Variants in TPD52 observed in about 807,000 individuals in gnomAD.
TPD52 encodes the protein tumor protein D52.
TPD52 carries 17 observed loss-of-function variants against 31.3 expected under a neutral mutation model. The observed-to-expected ratio is 0.54, with a 90% CI of 0.37 to 0.82. The LOEUF (loss-of-function observed/expected upper bound fraction) is 0.82, where lower values mean the gene tolerates loss of function less well. TPD52 is among the 40% of genes least tolerant of loss of function. The pLI, the probability that TPD52 is intolerant of heterozygous loss-of-function variation, is 0.00. For synonymous variants in TPD52, 83 were observed against 89.6 expected (o/e 0.93, Z 0.42); for missense variants, 212 against 240.1 (o/e 0.88, Z 0.77).
At chr8:80,141,033 C>A (rs1344832377) in intron 1 of TPD52, among the ~76,000 whole-genome samples, 1 of 151,600 alleles carries the variant, frequency 6.6e-6, no homozygotes, top group Non-Finnish European at 1.5e-5. Context: ...AACCACACCA[C>A]CCAGTGTTAG....
intron 1 of TPD52, among the ~76,000 whole-genome samples, chr8:80,070,722 A>G (rs1218816070): frequency 6.6e-6 from 1 of 152,230 alleles, no homozygotes; most frequent in Non-Finnish European, 1.5e-5. Flanking sequence ...TCATTATATA[A>G]AGATGAGAAA....
chr8:80,071,456 C>T (rs1813772604), intron 1 of TPD52, among the ~76,000 whole-genome samples: 1 of 152,116 alleles, frequency 6.6e-6, no homozygotes, highest in Admixed American at 6.5e-5. Context: ...GTCTCACTTC[C>T]TCACTGCCCA....
At chr8:80,040,507 T>C (rs139671470) in intron 7 of TPD52, among the ~76,000 whole-genome samples, 1 of 152,326 alleles carries the variant, frequency 6.6e-6, no homozygotes, top group Non-Finnish European at 1.5e-5. Context: ...TGTATGTTTT[T>C]AAATTACACT....
intron 5 of TPD52, among the ~76,000 whole-genome samples, chr8:80,049,864 T>C (rs1811191627): frequency 6.6e-6 from 1 of 152,000 alleles, no homozygotes. Flanking sequence ...ATAACAAGTG[T>C]AAAGAAAGAA....
chr8:80,129,503 A>G (rs775796432), intron 1 of TPD52, among the ~76,000 whole-genome samples: 1 of 152,096 alleles, frequency 6.6e-6, no homozygotes, highest in Non-Finnish European at 1.5e-5. Context: ...TCAGCACTGG[A>G]ATTTGTCAGC....
intron 1 of TPD52, among the ~76,000 whole-genome samples, chr8:80,134,402 A>G (rs1300864464): frequency 6.6e-6 from 1 of 152,258 alleles, no homozygotes; most frequent in Non-Finnish European, 1.5e-5. Flanking sequence ...CTTAATGCTC[A>G]TCATCTCATT....
intron 1 of TPD52, among the ~76,000 whole-genome samples, chr8:80,067,567 C>G (rs950803657): frequency 2.0e-5 from 3 of 152,102 alleles, no homozygotes; most frequent in African/African-American, 7.2e-5. Flanking sequence ...CCTGTCACCA[C>G]TTACAGATCA....
chr8:80,100,438 T>C (rs368730679), intron 1 of TPD52, among the ~76,000 whole-genome samples: 29 of 152,212 alleles, frequency 1.9e-4, no homozygotes, highest in African/African-American at 6.0e-4. Flanking sequence ...AGCATTTCTC[T>C]CTAAAAACCA....
At chr8:80,157,289 T>C (rs991155361) in intron 1 of TPD52, among the ~76,000 whole-genome samples, 1 of 144,224 alleles carries the variant, frequency 6.9e-6, no homozygotes, top group East Asian at 2.1e-4. Flanking sequence ...AAAAAGGAAA[T>C]AAGTTTGGGA....
At position 80,136,179 on chromosome 8, in the gene TPD52, T is replaced by TAAAAAAAAAAAAAAAA. The variant is rs796723826; in HGVS notation, c.19+35245_19+35246insTTTTTTTTTTTTTTTT. 3.7e-4 allele frequency among the ~76,000 whole-genome samples: 45 copies of TAAAAAAAAAAAAAAAA among 121,510 alleles called. 3 individuals carry two copies. The highest frequency in any genetic ancestry group is 4.7e-4 in the African/African-American group (16 of 33,844). The allele number at this position is 121,510 out of a possible 152,430, so 79.7% of individuals were successfully genotyped here. Reference sequence around the variant, plus strand: ...AAAAAAAAAATTTCAGTCTTTGAGGTTAAAAAAAAAACAAGCACACTCACA... The same window carrying TAAAAAAAAAAAAAAAA: ...AAAAAAAAAATTTCAGTCTTTGAGGTAAAAAAAAAAAAAAAATAAAAAAAAAACAAGCACACTCACA... On this transcript the variant is annotated intron_variant, in intron 1 of 7. Transcript: ENST00000518937.
intron 1 of TPD52, among the ~76,000 whole-genome samples, chr8:80,139,436 T>C (rs1163247446): frequency 6.6e-6 from 1 of 152,160 alleles, no homozygotes; most frequent in Non-Finnish European, 1.5e-5. Context: ...TTTTCAGAGT[T>C]TCAGACTTGC....
chr8:80,150,134 T>A (rs1810469747), intron 1 of TPD52, among the ~76,000 whole-genome samples: 1 of 152,302 alleles, frequency 6.6e-6, no homozygotes, highest in East Asian at 1.9e-4. Flanking sequence ...TCCCAGCTTC[T>A]CCAGTCATGG....
chr8:80,060,643 A>C (rs1429794855), intron 2 of TPD52, among the ~76,000 whole-genome samples: 3 of 152,200 alleles, frequency 2.0e-5, no homozygotes, highest in African/African-American at 7.2e-5. Context: ...ATATCCTAGG[A>C]ATGCAAGGAT....
chr8:80,051,561 C>T lies in TPD52; in HGVS notation c.352G>A (p.Gly118Ser). 6.2e-7 allele frequency: 1 copy of T among 1,613,346 alleles called. No homozygotes were observed. ...QKASAAFSSVGSVITKKLEDV... is the reference protein window; with the variant it reads ...QKASAAFSSVSSVITKKLEDV... Reference sequence around the variant, plus strand: ...TCCAGCTTTTTGGTGATGACTGAGCCAACAGACGAAAAAGCAGCTGAGGCC... The same window carrying T: ...TCCAGCTTTTTGGTGATGACTGAGCTAACAGACGAAAAAGCAGCTGAGGCC... The change falls in exon 4 of 8, where the codon GGC becomes AGC. Residue 118 changes from glycine to serine, a missense_variant. By Grantham distance (56) the Gly-to-Ser change is moderately conservative. Transcript: ENST00000518937.
chr8:80,065,224 C>A (rs1255836266), intron 1 of TPD52, among the ~76,000 whole-genome samples: 7 of 150,492 alleles, frequency 4.7e-5, no homozygotes, highest in Non-Finnish European at 8.8e-5. Context: ...TGGCTTCAAG[C>A]CATCATATAT....
intron 1 of TPD52, among the ~76,000 whole-genome samples, chr8:80,081,178 T>G (rs1306727864): frequency 6.8e-6 from 1 of 147,578 alleles, no homozygotes; most frequent in African/African-American, 2.6e-5. Context: ...TTTTTTTTTT[T>G]TAGAAAGCTG....
chr8:80,076,337 AG>A (rs1814529122), intron 1 of TPD52, among the ~76,000 whole-genome samples: 1 of 152,240 alleles, frequency 6.6e-6, no homozygotes, highest in African/African-American at 2.4e-5. Flanking sequence ...AAAAAGAACA[AG>A]ATCCTATCCT....
intron 1 of TPD52, among the ~76,000 whole-genome samples, chr8:80,136,784 A>G (rs1311287629): frequency 2.6e-5 from 4 of 152,160 alleles, no homozygotes; most frequent in African/African-American, 4.8e-5. Flanking sequence ...CTTCACCCCA[A>G]TCATGTGTAA....
At chr8:80,132,270 A>AC (rs1343102727) in intron 1 of TPD52, among the ~76,000 whole-genome samples, 2 of 152,228 alleles carry the variant, frequency 1.3e-5, no homozygotes, top group East Asian at 3.9e-4. Context: ...TTATCTGTAT[A>AC]CCAATCCTCC....
Sources: gnomAD v4.1 joint callset for allele counts (sites outside exome capture counted in the v4.1 genomes callset) on GRCh38, gnomAD v4.1.1 for gene constraint, MANE v1.5 for transcripts, NCBI Gene and HGNC (gene_info 2026-07-23, HGNC 2026-07-21) for gene names.